KANSL1L: variants seen among roughly 807,000 people sequenced by gnomAD.
KANSL1L encodes KAT8 regulatory NSL complex subunit 1-like protein.
Under a neutral mutation model 108.6 loss-of-function variants are expected in KANSL1L, and 25 were observed. The ratio of observed to expected loss-of-function variants is 0.23; its 90% CI spans 0.17 to 0.32. KANSL1L has a LOEUF of 0.32. Among genes scored for constraint, KANSL1L ranks in the 10% least tolerant of loss-of-function variants. The pLI is 1.00. For missense variants in KANSL1L, 1,137 were observed against 1,125.7 expected (o/e 1.01, Z -0.14); for synonymous variants, 405 against 395.1 (o/e 1.03, Z -0.30).
intron 5 of KANSL1L, among the ~76,000 whole-genome samples, chr2:210,089,818 C>T (rs1401511208): frequency 6.6e-6 from 1 of 151,962 alleles, no homozygotes; most frequent in Admixed American, 6.6e-5. Context: ...GATTTAGTTA[C>T]GGAGTCCCAA....
chr2:210,061,440 A>G (rs562067271), intron 6 of KANSL1L, among the ~76,000 whole-genome samples: 3 of 152,342 alleles, frequency 2.0e-5, no homozygotes, highest in African/African-American at 7.2e-5. Context: ...GACTATCAAG[A>G]AGGAGCTGAA....
intron 6 of KANSL1L, among the ~76,000 whole-genome samples, chr2:210,074,242 C>T (rs1260038829): frequency 6.6e-6 from 1 of 152,058 alleles, no homozygotes; most frequent in East Asian, 1.9e-4. Context: ...ACTTAAAATC[C>T]TTTCTTTCTC....
At chr2:210,172,117 G>A (rs1688372563), upstream of KANSL1L, among the ~76,000 whole-genome samples, 2 of 152,046 alleles carry the variant, frequency 1.3e-5, no homozygotes, top group Non-Finnish European at 2.9e-5. Flanking sequence ...TGTGGAGATA[G>A]TTGGCCAGCG....
At chr2:210,043,886 A>C in intron 7 of KANSL1L, 53 bp downstream of exon 7, 7 of 1,212,700 alleles carry the variant, frequency 5.8e-6, no homozygotes, top group Non-Finnish European at 8.0e-6. Flanking sequence ...TTAGAGGATT[A>C]GATTTCAGTA....
chr2:210,043,575 C>G (rs1343274928), intron 7 of KANSL1L: 3 of 160,788 alleles, frequency 1.9e-5, no homozygotes, highest in African/African-American at 7.2e-5. Context: ...GGGAAACCTC[C>G]ATGTATAACA....
At chr2:210,149,376 T>C (rs771972929) in intron 2 of KANSL1L, among the ~76,000 whole-genome samples, 4 of 152,158 alleles carry the variant, frequency 2.6e-5, no homozygotes, top group Non-Finnish European at 5.9e-5. Context: ...TAGTATTTAC[T>C]ACTCTGGACT....
At chr2:210,137,339 C>A (rs186125128) in intron 2 of KANSL1L, among the ~76,000 whole-genome samples, 254 of 152,288 alleles carry the variant, frequency 1.7e-3, no homozygotes, top group Admixed American at 4.3e-3. Context: ...AAGAATTCCT[C>A]TTTAGTTGAG....
chr2:210,045,549 T>A (rs2094214526), intron 6 of KANSL1L, among the ~76,000 whole-genome samples: 1 of 152,224 alleles, frequency 6.6e-6, no homozygotes, highest in African/African-American at 2.4e-5. Context: ...ATTTATCTCA[T>A]CTCATTGCTC....
intron 8 of KANSL1L, among the ~76,000 whole-genome samples, chr2:210,035,865 C>T (rs1480194688): frequency 6.6e-6 from 1 of 152,192 alleles, no homozygotes; most frequent in Non-Finnish European, 1.5e-5. Flanking sequence ...AGACTTGTTA[C>T]TCAGTATGGG....
At chr2:210,045,531 A>G (rs1436521155) in intron 6 of KANSL1L, among the ~76,000 whole-genome samples, 1 of 152,044 alleles carries the variant, frequency 6.6e-6, no homozygotes, top group Non-Finnish European at 1.5e-5. Context: ...CATGAATACC[A>G]CCCATATATT....
chr2:210,106,322 A>G (rs1346890374), intron 3 of KANSL1L, among the ~76,000 whole-genome samples: 1 of 152,206 alleles, frequency 6.6e-6, no homozygotes, highest in Non-Finnish European at 1.5e-5. Context: ...TGTATAGATT[A>G]GTCTGATTTC....
At chr2:210,061,820 C>T (rs1463693605) in intron 6 of KANSL1L, among the ~76,000 whole-genome samples, 3 of 151,948 alleles carry the variant, frequency 2.0e-5, no homozygotes, top group Non-Finnish European at 4.4e-5. Flanking sequence ...ATGGGCTAGT[C>T]ATAGAAAGAA....
intron 2 of KANSL1L, among the ~76,000 whole-genome samples, chr2:210,142,026 CT>C (rs2095233984): frequency 6.7e-6 from 1 of 148,194 alleles, no homozygotes; most frequent in Admixed American, 6.7e-5. Context: ...GTGTCCTTCT[CT>C]GGCTTTGGTA....
intron 1 of KANSL1L, among the ~76,000 whole-genome samples, chr2:210,156,120 G>C (rs2095331730): frequency 6.6e-6 from 1 of 152,098 alleles, no homozygotes; most frequent in South Asian, 2.1e-4. Context: ...GCAAAAGATA[G>C]AGCAGTCAGG....
At chr2:210,133,131 A>G (rs527330533) in intron 2 of KANSL1L, among the ~76,000 whole-genome samples, 133 of 152,210 alleles carry the variant, frequency 8.7e-4, no homozygotes, top group African/African-American at 3.1e-3. Flanking sequence ...GATTGGTTCC[A>G]GGACCCCCTG....
intron 6 of KANSL1L, among the ~76,000 whole-genome samples, chr2:210,064,649 C>T (rs978578639): frequency 2.0e-5 from 3 of 151,520 alleles, no homozygotes; most frequent in African/African-American, 7.3e-5. Flanking sequence ...CCTGTCTCTA[C>T]AAAAAATTTA....
intron 6 of KANSL1L, among the ~76,000 whole-genome samples, chr2:210,052,269 C>T (rs2094301728): frequency 6.6e-6 from 1 of 152,124 alleles, no homozygotes; most frequent in African/African-American, 2.4e-5. Context: ...TCCCAAAGTG[C>T]TGGGGTTACA....
intron 3 of KANSL1L, among the ~76,000 whole-genome samples, chr2:210,114,399 C>G (rs2094935442): frequency 1.3e-5 from 2 of 152,106 alleles, no homozygotes; most frequent in Admixed American, 1.3e-4. Flanking sequence ...AATTAAGACA[C>G]TCTCAAGTAA....
chr2:210,049,344 T>C (rs1281453132), intron 6 of KANSL1L, among the ~76,000 whole-genome samples: 1 of 149,760 alleles, frequency 6.7e-6, no homozygotes, highest in African/African-American at 2.5e-5. Flanking sequence ...ATTCTGAGGA[T>C]TTTTTTTTAA....
Sources: allele counts gnomAD v4.1 joint callset (sites outside exome capture counted in the v4.1 genomes callset), GRCh38; gene constraint gnomAD v4.1.1; transcripts MANE v1.5; gene names NCBI Gene and HGNC (gene_info 2026-07-23, HGNC 2026-07-21).